ENPP6: variants seen among roughly 807,000 people sequenced by gnomAD.
ENPP6 encodes glycerophosphocholine cholinephosphodiesterase ENPP6.
Under a neutral mutation model 42.0 loss-of-function variants are expected in ENPP6, and 32 were observed. That is an observed-to-expected ratio of 0.76 (90% CI 0.58 to 1.02). The LOEUF is 1.02. Among genes scored for constraint, ENPP6 ranks in the 50% least tolerant of loss-of-function variants. The pLI is 0.00. For synonymous variants in ENPP6, 213 were observed against 216.0 expected (o/e 0.99, Z 0.12); for missense variants, 552 against 566.8 (o/e 0.97, Z 0.27).
At chr4:184,142,569 G>A (rs960622527) in intron 2 of ENPP6, among the ~76,000 whole-genome samples, 3 of 152,216 alleles carry the variant, frequency 2.0e-5, no homozygotes, top group African/African-American at 4.8e-5. Context: ...TAGCCTGAGC[G>A]CAGGGTGGCC....
intron 2 of ENPP6, among the ~76,000 whole-genome samples, chr4:184,134,766 T>C (rs1736704873): frequency 6.6e-6 from 1 of 151,730 alleles, no homozygotes; most frequent in Non-Finnish European, 1.5e-5. Flanking sequence ...TCTTTACATT[T>C]GGGGATAATT....
intron 6 of ENPP6, among the ~76,000 whole-genome samples, chr4:184,106,422 G>T (rs966738539): frequency 6.6e-6 from 1 of 152,016 alleles, no homozygotes; most frequent in East Asian, 1.9e-4. Context: ...TTGTTGCCAC[G>T]TCCCCTCTCC....
At chr4:184,191,252 A>G (rs546893241) in intron 1 of ENPP6, among the ~76,000 whole-genome samples, 1 of 152,372 alleles carries the variant, frequency 6.6e-6, no homozygotes, top group Non-Finnish European at 1.5e-5. Context: ...CAAGTAATTT[A>G]ATATCTCAGA....
At chr4:184,141,085 AACAGAC>A (rs1281676486) in intron 2 of ENPP6, among the ~76,000 whole-genome samples, 3 of 152,050 alleles carry the variant, frequency 2.0e-5, no homozygotes, top group Admixed American at 1.3e-4. Flanking sequence ...GAAGGACATG[AACAGAC>A]ACTTCTCAAA....
intron 6 of ENPP6, among the ~76,000 whole-genome samples, chr4:184,106,907 G>A (rs895152100): frequency 6.6e-5 from 10 of 152,202 alleles, no homozygotes; most frequent in South Asian, 6.2e-4. Flanking sequence ...CGGCCTTCAC[G>A]GTCGGGGATG....
chr4:184,111,771 C>T (rs1003958823), intron 6 of ENPP6, among the ~76,000 whole-genome samples: 2 of 152,174 alleles, frequency 1.3e-5, no homozygotes, highest in Admixed American at 6.5e-5. Flanking sequence ...TGTCACACAA[C>T]CCCCATTTTC....
intron 2 of ENPP6, among the ~76,000 whole-genome samples, chr4:184,149,402 G>T (rs4862319): frequency 0.43 from 64,961 of 152,116 alleles, 14,854 homozygotes; most frequent in Non-Finnish European, 0.51. Flanking sequence ...CACCTTGATT[G>T]TAACAAGCAA....
intron 3 of ENPP6, among the ~76,000 whole-genome samples, chr4:184,122,699 TTAAGA>T (rs1736438145): frequency 6.6e-6 from 1 of 152,128 alleles, no homozygotes; most frequent in African/African-American, 2.4e-5. Context: ...CCATCAGCTG[TTAAGA>T]TAAGATGAAT....
At chr4:184,142,331 A>G (rs1736837781) in intron 2 of ENPP6, among the ~76,000 whole-genome samples, 1 of 152,262 alleles carries the variant, frequency 6.6e-6, no homozygotes, top group African/African-American at 2.4e-5. Context: ...TGTTGAATGC[A>G]TGTCTCAAGA....
At chr4:184,131,202 T>TTTCTTTCTTTC (rs760417509) in intron 2 of ENPP6, among the ~76,000 whole-genome samples, 2 of 6,430 alleles carry the variant, frequency 3.1e-4, no homozygotes, top group South Asian at 5.5e-3. Context: ...TCTTTCTTTC[T>TTTCTTTCTTTC]TCTTTCTTTC....
intron 1 of ENPP6, among the ~76,000 whole-genome samples, chr4:184,171,121 G>C (rs1737454118): frequency 6.6e-6 from 1 of 152,220 alleles, no homozygotes; most frequent in South Asian, 2.1e-4. Context: ...GCATGGAAGG[G>C]AAAGCTCCTC....
At chr4:184,150,346 G>A (rs1042393494) in intron 2 of ENPP6, among the ~76,000 whole-genome samples, 3 of 152,054 alleles carry the variant, frequency 2.0e-5, no homozygotes, top group African/African-American at 4.8e-5. Flanking sequence ...ACTTAATGGC[G>A]AAACTCAGCG....
chr4:184,112,469 A>G lies in ENPP6; in HGVS notation c.993+203T>C, dbSNP rs58105899. ...AGTCTGGAGCCACGAAGTCTAAACCATGACTCTGGGTTCGCGTCTACAGTT... is the reference window on the plus strand; with the variant it reads ...AGTCTGGAGCCACGAAGTCTAAACCGTGACTCTGGGTTCGCGTCTACAGTT... On this transcript the variant is annotated intron_variant, in intron 6 of 7. Transcript: ENST00000296741. 0.016 allele frequency: 9,472 copies of G among 602,384 alleles called. 732 individuals are homozygous for G. In the African/African-American group the frequency reaches 0.16, roughly 10 times the overall value. 37.3% of individuals were successfully genotyped at this position (602,384 alleles called of 1,614,324 possible). A position where few individuals can be genotyped will look rare whatever the true frequency, so the allele number is the denominator to read the frequency against.
intron 4 of ENPP6, 124 bp from the exon 5 acceptor site, chr4:184,117,159 T>A: frequency 8.1e-7 from 1 of 1,231,276 alleles, no homozygotes; most frequent in Non-Finnish European, 1.1e-6. Context: ...AATCTTCTAC[T>A]ATTTTGCCCT....
At chr4:184,133,169 AC>A (rs1560988270) in intron 2 of ENPP6, among the ~76,000 whole-genome samples, 1 of 151,048 alleles carries the variant, frequency 6.6e-6, no homozygotes, top group African/African-American at 2.4e-5. Flanking sequence ...ATTCACACAC[AC>A]ACACACACAC....
At chr4:184,131,692 C>T (rs1736637868) in intron 2 of ENPP6, among the ~76,000 whole-genome samples, 2 of 151,834 alleles carry the variant, frequency 1.3e-5, no homozygotes, top group Non-Finnish European at 2.9e-5. Flanking sequence ...GACTCAGTTG[C>T]TCCATCCTCA....
intron 1 of ENPP6, among the ~76,000 whole-genome samples, chr4:184,167,122 T>A (rs1417231465): frequency 6.6e-6 from 1 of 152,210 alleles, no homozygotes; most frequent in Non-Finnish European, 1.5e-5. Flanking sequence ...AGCTTTTCTT[T>A]CTTTATTTTT....
chr4:184,105,701 T>C (rs1487860387), intron 6 of ENPP6, among the ~76,000 whole-genome samples: 2 of 152,252 alleles, frequency 1.3e-5, no homozygotes, highest in African/African-American at 4.8e-5. Flanking sequence ...ATTTTTATTA[T>C]CTGCAAAATA....
chr4:184,135,752 C>G (rs891468632), intron 2 of ENPP6, among the ~76,000 whole-genome samples: 1 of 152,034 alleles, frequency 6.6e-6, no homozygotes, highest in East Asian at 1.9e-4. Context: ...GTACTGAGTA[C>G]CCACGTCAGA....
Sources: gnomAD v4.1 joint callset for allele counts (sites outside exome capture counted in the v4.1 genomes callset) on GRCh38, gnomAD v4.1.1 for gene constraint, MANE v1.5 for transcripts, NCBI Gene and HGNC (gene_info 2026-07-23, HGNC 2026-07-21) for gene names.